The following IGDCC3 variants were observed in gnomAD, a reference collection of about 807,000 sequenced individuals.
IGDCC3 encodes the protein putative neuronal cell adhesion molecule.
Under a neutral mutation model 72.0 loss-of-function variants are expected in IGDCC3, and 47 were observed. That is an observed-to-expected ratio of 0.65 (90% CI 0.52 to 0.83). The LOEUF (loss-of-function observed/expected upper bound fraction) is 0.83. IGDCC3 is among the 40% of genes least tolerant of loss of function. IGDCC3 has a pLI of 0.00. For missense variants in IGDCC3, 1,038 were observed against 1,091.3 expected (o/e 0.95, Z 0.69); for synonymous variants, 477 against 472.8 (o/e 1.01, Z -0.11).
rs1363773070 is a variant in IGDCC3, at chr15:65,327,505, T to C, written c.*1404A>G. 3 of 152,230 alleles carry C rather than the reference T, an allele frequency of 2.0e-5. No homozygotes were observed. The highest frequency in any genetic ancestry group is 2.9e-5 in the Non-Finnish European group (2 of 68,034). The allele number at this position is 152,230 out of a possible 1,614,324, so 9.4% of individuals were successfully genotyped here. On this transcript the variant is annotated 3_prime_UTR_variant, in exon 14 of 14. Transcript: ENST00000327987. ...TGGTCTCATTCTTAAGGAATACACT[T>C]ATCTTTTTTCTTTAAAAAAAGTTTT...
chr15:65,368,450 G>A (rs771608628), intron 2 of IGDCC3, among the ~76,000 whole-genome samples: 7 of 152,214 alleles, frequency 4.6e-5, no homozygotes, highest in Non-Finnish European at 7.3e-5. Context: ...TAAGGGGCCA[G>A]CTGGCTGCCT....
intron 3 of IGDCC3, 72 bp from the exon 4 acceptor site, chr15:65,335,493 TC>T: frequency 6.8e-7 from 1 of 1,475,944 alleles, no homozygotes; most frequent in Non-Finnish European, 9.3e-7. Flanking sequence ...ACTCTGGGCA[TC>T]CAAGATACAG....
chr15:65,366,135 G>A (rs2091287154), intron 2 of IGDCC3, among the ~76,000 whole-genome samples: 1 of 151,598 alleles, frequency 6.6e-6, no homozygotes, highest in African/African-American at 2.4e-5. Context: ...TTGAACCCGG[G>A]AGGTGGAGGT....
rs558939480 is a variant in IGDCC3 at position 65,328,708 on chromosome 15, C to T, written c.*201G>A. 4.2e-6 allele frequency: 2 copies of T among 481,772 alleles called. No homozygotes were observed. Among genetic ancestry groups the T allele is most frequent in the Non-Finnish European group, 6.8e-6 (2 of 295,658 alleles). 29.8% of individuals were successfully genotyped at this position (481,772 alleles called of 1,614,324 possible). A position where few individuals can be genotyped will look rare whatever the true frequency, so the allele number is the denominator to read the frequency against. On this transcript the variant is annotated 3_prime_UTR_variant, in exon 14 of 14. Transcript: ENST00000327987. ...GGGAAGGAACAGGCTCCTGCAGGAACTGCTCCAACTCCTGATGGGTGTTAG... is the reference window on the plus strand; with the variant it reads ...GGGAAGGAACAGGCTCCTGCAGGAATTGCTCCAACTCCTGATGGGTGTTAG...
At chr15:65,345,599 C>T (rs1037473942) in intron 2 of IGDCC3, among the ~76,000 whole-genome samples, 1 of 139,182 alleles carries the variant, frequency 7.2e-6, no homozygotes, top group South Asian at 2.2e-4. Flanking sequence ...CGCATGCACA[C>T]ACAGACACGC....
chr15:65,374,972 T>G, intron 2 of IGDCC3, 125 bp downstream of exon 2: 1 of 780,648 alleles, frequency 1.3e-6, no homozygotes, highest in Non-Finnish European at 2.1e-6. Context: ...AACCGACCCA[T>G]GCTGAGAAAT....
At chr15:65,357,747 A>C (rs1257351867) in intron 2 of IGDCC3, among the ~76,000 whole-genome samples, 2 of 152,222 alleles carry the variant, frequency 1.3e-5, no homozygotes, top group Non-Finnish European at 2.9e-5. Flanking sequence ...GATGTGATAA[A>C]AATGTTTTTC....
chr15:65,334,705 G>C, intron 5 of IGDCC3, 23 bp downstream of exon 5: 1 of 1,532,120 alleles, frequency 6.5e-7, no homozygotes, highest in Non-Finnish European at 8.8e-7. Context: ...GGGAGGGGCA[G>C]GGGCTGTGGG....
chr15:65,376,616 C>T (rs2091360787), intron 1 of IGDCC3, among the ~76,000 whole-genome samples: 1 of 151,840 alleles, frequency 6.6e-6, no homozygotes, highest in South Asian at 2.1e-4. Flanking sequence ...CGCCCCCCTC[C>T]CCCCGTCCCC....
chr15:65,375,960 A>G (rs1285936496), intron 1 of IGDCC3, among the ~76,000 whole-genome samples: 3 of 152,252 alleles, frequency 2.0e-5, no homozygotes, highest in Non-Finnish European at 4.4e-5. Context: ...AAAGTTCTAA[A>G]GAAATACAGA....
At chr15:65,372,115 C>G (rs2091329098) in intron 2 of IGDCC3, among the ~76,000 whole-genome samples, 1 of 152,160 alleles carries the variant, frequency 6.6e-6, no homozygotes, top group African/African-American at 2.4e-5. Flanking sequence ...ATTTAAAGGC[C>G]ATGTCAGTGA....
At chr15:65,340,618 C>A (rs1457118827) in intron 2 of IGDCC3, among the ~76,000 whole-genome samples, 7 of 152,168 alleles carry the variant, frequency 4.6e-5, no homozygotes, top group African/African-American at 1.4e-4. Context: ...CCTCCTCAGG[C>A]AGCTGGGATG....
intron 2 of IGDCC3, among the ~76,000 whole-genome samples, chr15:65,363,509 G>C (rs1035651767): frequency 1.3e-5 from 2 of 152,148 alleles, no homozygotes; most frequent in African/African-American, 2.4e-5. Context: ...CCCCAGAGTC[G>C]GCCCCGTGGG....
At chr15:65,335,455 A>C (rs760234504) in intron 3 of IGDCC3, 34 bp from the exon 4 acceptor site, 3 of 1,581,892 alleles carry the variant, frequency 1.9e-6, no homozygotes, top group East Asian at 4.5e-5. Flanking sequence ...GGCCACCAGC[A>C]CAGCCATTGA....
At position 65,371,618 on chromosome 15, in the gene IGDCC3, AG is replaced by A. The variant is rs765847063; in HGVS notation, c.409+3478del. Among the ~76,000 whole-genome samples, 49 of 152,360 alleles carry A rather than the reference AG, an allele frequency of 3.2e-4. 1 individual carries two copies. Among genetic ancestry groups the A allele is most frequent in the Middle Eastern group, 3.4e-3 (1 of 294 alleles). On this transcript the variant is annotated intron_variant, in intron 2 of 13. Coordinates refer to ENST00000327987, the MANE Select transcript of IGDCC3 (RefSeq NM_004884.4). The stretch of plus-strand genomic sequence containing the variant: ...AGATTCCCAGGTGATTCACAGGCTC[AG>A]TAAGGTTTGGGAAGTCCTGCACTAC...
intron 2 of IGDCC3, among the ~76,000 whole-genome samples, chr15:65,366,845 T>A (rs74887806): frequency 6.6e-6 from 1 of 151,948 alleles, no homozygotes; most frequent in African/African-American, 2.4e-5. Context: ...TGAGTCCAGG[T>A]GCCCACAGAA....
At chr15:65,371,851 AGAGGGATAGCG>A (rs962740743) in intron 2 of IGDCC3, among the ~76,000 whole-genome samples, 1 of 152,190 alleles carries the variant, frequency 6.6e-6, no homozygotes, top group Non-Finnish European at 1.5e-5. Flanking sequence ...CAGCCCCTTT[AGAGGGATAGCG>A]GAGGGTCTCA....
At chr15:65,376,397 C>T (rs2091359003) in intron 1 of IGDCC3, among the ~76,000 whole-genome samples, 1 of 152,236 alleles carries the variant, frequency 6.6e-6, no homozygotes, top group African/African-American at 2.4e-5. Flanking sequence ...CTTACCAGAC[C>T]AGTTACAACT....
At chr15:65,370,624 A>G (rs28668126) in intron 2 of IGDCC3, among the ~76,000 whole-genome samples, 1,275 of 96,056 alleles carry the variant, frequency 0.013, 19 homozygotes, top group African/African-American at 0.049. Flanking sequence ...GTATGTGTAT[A>G]TATATATATA....
Sources: allele counts gnomAD v4.1 joint callset (sites outside exome capture counted in the v4.1 genomes callset), GRCh38; gene constraint gnomAD v4.1.1; transcripts MANE v1.5; gene names NCBI Gene and HGNC (gene_info 2026-07-23, HGNC 2026-07-21).